Variants in SYNE2 observed in about 807,000 individuals in gnomAD.
SYNE2 encodes spectrin repeat containing nuclear envelope protein 2.
A neutral mutation model predicts 856.3 loss-of-function variants in SYNE2; 431 were observed. The observed-to-expected ratio is 0.50, with a 90% CI of 0.47 to 0.55. The LOEUF (loss-of-function observed/expected upper bound fraction) is 0.55, where lower values mean the gene tolerates loss of function less well. Ranked by LOEUF, SYNE2 falls within the 20% of genes least tolerant of loss-of-function variation. The pLI is 0.00. For missense variants in SYNE2, 8,129 were observed against 8,023.2 expected (o/e 1.01, Z -0.50); for synonymous variants, 2,923 against 2,872.3 (o/e 1.02, Z -0.56).
Position 64,213,002 on chromosome 14 carries a change from T to G in SYNE2, c.19053T>G (p.Thr6351=). Residue 6351 remains threonine, a synonymous_variant, in exon 105 of 116, where the codon ACT becomes ACG. Transcript: ENST00000555002. ...SRFHRRLTSC[T]PGLEDEKEAS... The stretch of plus-strand genomic sequence containing the variant: ...TCCACCGGCGGCTCACCTCCTGCAC[T>G]CCGGTACGGGCACTGCTGCCTAGAA... 1 of 1,613,122 alleles carries G rather than the reference T, an allele frequency of 6.2e-7. No individual in the cohort carries two copies. Among genetic ancestry groups the G allele is most frequent in the Non-Finnish European group, 8.5e-7 (1 of 1,179,930 alleles).
chr14:64,038,704 G>A (rs554152550), intron 45 of SYNE2, among the ~76,000 whole-genome samples: 3 of 152,264 alleles, frequency 2.0e-5, no homozygotes, highest in Non-Finnish European at 2.9e-5. Context: ...CCAGTCAGGC[G>A]TGGCGGCGGG....
Position 64,020,011 on chromosome 14 carries a change from A to G in SYNE2, c.5069A>G (p.Glu1690Gly), listed in dbSNP as rs367612349. ...TTTTAGGAAGAATTACAAGTCCATG[A>G]ACAAAAAACTTCAGAATTTTCTAGA... ...ERLKEELQVH[E>G]QKTSEFSRRV... The change falls in exon 35 of 116, where the codon GAA becomes GGA. Residue 1690 changes from glutamate to glycine, a missense_variant. Around this residue, in one of 3 missense-constraint regions of SYNE2, gnomAD observed 2,422 missense variants for 2,357.4 expected, o/e 1.03. Transcript: ENST00000555002. 7.4e-6 allele frequency: 12 copies of G among 1,612,824 alleles called. No homozygotes were observed. In the East Asian group the frequency reaches 1.6e-4, roughly 21 times the overall value.
intron 78 of SYNE2, among the ~76,000 whole-genome samples, chr14:64,137,251 G>T (rs1349549618): frequency 6.6e-6 from 1 of 152,162 alleles, no homozygotes; most frequent in Non-Finnish European, 1.5e-5. Context: ...TCAGGCTGGA[G>T]TGCAGTGGCA....
intron 41 of SYNE2, among the ~76,000 whole-genome samples, chr14:64,025,647 T>C (rs1371089987): frequency 6.6e-6 from 1 of 152,238 alleles, no homozygotes; most frequent in African/African-American, 2.4e-5. Flanking sequence ...GAGAGAGCAG[T>C]GTGCCTATTG....
Position 64,110,588 on chromosome 14 carries a change from A to ACCC in SYNE2, c.12610-2742_12610-2740dup, listed in dbSNP as rs11315645. Among the ~76,000 whole-genome samples, 243 of 75,342 alleles carry ACCC rather than the reference A, an allele frequency of 3.2e-3. 2 individuals carry two copies. Among genetic ancestry groups the ACCC allele is most frequent in the East Asian group, 8.5e-3 (14 of 1,652 alleles). 49.4% of individuals were successfully genotyped at this position (75,342 alleles called of 152,430 possible). A position where few individuals can be genotyped will look rare whatever the true frequency, so the allele number is the denominator to read the frequency against. On this transcript the variant is annotated intron_variant, in intron 65 of 115. Coordinates refer to ENST00000555002, the MANE Select transcript of SYNE2 (RefSeq NM_182914.3). ...AAATACTTATAGTAATACTTTTTAC[A>ACCC]CCCCCCCCCCCCCGCCAAAGTGTAC...
intron 50 of SYNE2, among the ~76,000 whole-genome samples, chr14:64,063,236 C>CG (rs2097331214): frequency 6.6e-6 from 1 of 152,068 alleles, no homozygotes; most frequent in African/African-American, 2.4e-5. Flanking sequence ...TTAGTAGAGA[C>CG]GGGGTTTCAC....
chr14:64,053,437 C>T lies in SYNE2; in HGVS notation c.9524C>T (p.Pro3175Leu), dbSNP rs984970023. The change falls in exon 48 of 116, where the codon CCA (proline) becomes CTA (leucine). Residue 3175 changes from proline to leucine, a missense_variant. Coordinates refer to ENST00000555002, the MANE Select transcript of SYNE2 (RefSeq NM_182914.3). ...CAGATAAAATCTCAATTACAGCAGC[C>T]ATTACTTATAAATTTGGAAATTAAA... ...LNQIKSQLQQ[P>L]LLINLEIKHI... 1.2e-6 allele frequency: 2 copies of T among 1,613,296 alleles called. No individual in the cohort carries two copies. Among genetic ancestry groups the T allele is most frequent in the African/African-American group, 2.7e-5 (2 of 74,844 alleles).
chr14:63,955,060 C>A, intron 8 of SYNE2, 145 bp downstream of exon 8: 1 of 700,348 alleles, frequency 1.4e-6, no homozygotes, highest in Non-Finnish European at 2.4e-6. Context: ...GAATTTGATG[C>A]AATCAAACAA....
At chr14:64,133,074 T>C (rs916825404) in intron 77 of SYNE2, among the ~76,000 whole-genome samples, 6 of 151,820 alleles carry the variant, frequency 4.0e-5, no homozygotes, top group African/African-American at 7.2e-5. Flanking sequence ...GGCGTGGTGG[T>C]GGGCGCCTGT....
chr14:64,214,072 T>C, intron 105 of SYNE2, 122 bp from the exon 106 acceptor site: 1 of 1,463,174 alleles, frequency 6.8e-7, no homozygotes. Context: ...TTTTTAAAGC[T>C]GCCTTAGAAA....
chr14:63,779,325 CAAATAAATAAAT>C (rs3057793), intron 1 of SYNE2, among the ~76,000 whole-genome samples: 143 of 139,330 alleles, frequency 1.0e-3, no homozygotes, highest in Middle Eastern at 3.6e-3. Flanking sequence ...AACTCCGTCT[CAAATAAATAAAT>C]AAATAAATAA....
At chr14:63,790,276 C>T (rs773276480) in intron 1 of SYNE2, among the ~76,000 whole-genome samples, 6 of 151,486 alleles carry the variant, frequency 4.0e-5, no homozygotes, top group Non-Finnish European at 5.9e-5. Flanking sequence ...GAGGAGGCTA[C>T]AGGGAGCTGT....
At chr14:64,096,313 TA>T (rs1388005784) in intron 61 of SYNE2, among the ~76,000 whole-genome samples, 5 of 152,206 alleles carry the variant, frequency 3.3e-5, no homozygotes, top group African/African-American at 1.2e-4. Context: ...TGATTCATAT[TA>T]GGTGCCGGTA....
intron 99 of SYNE2, among the ~76,000 whole-genome samples, chr14:64,195,773 A>C (rs749903046): frequency 6.6e-6 from 1 of 152,222 alleles, no homozygotes; most frequent in Non-Finnish European, 1.5e-5. Flanking sequence ...TTTCTGGAAC[A>C]CCAAACAATG....
chr14:63,848,457 T>C (rs561653651), upstream of SYNE2: 2 of 152,330 alleles, frequency 1.3e-5, no homozygotes, highest in South Asian at 4.1e-4. Context: ...GACAGAGAAA[T>C]GTTAATGTCT....
chr14:64,219,580 C>A (rs764197151), intron 110 of SYNE2, among the ~76,000 whole-genome samples, 170 bp downstream of exon 110: 13 of 152,198 alleles, frequency 8.5e-5, no homozygotes, highest in Non-Finnish European at 1.9e-4. Flanking sequence ...GACATAGATG[C>A]AGATTTTTGT....
chr14:64,219,084 GAA>G, intron 109 of SYNE2, 122 bp from the exon 110 acceptor site: 1 of 883,394 alleles, frequency 1.1e-6, no homozygotes, highest in Non-Finnish European at 1.7e-6. Flanking sequence ...TCTGTCAGGG[GAA>G]TCCCCTACAG....
At position 63,979,015 on chromosome 14, in the gene SYNE2, G is replaced by A; in HGVS notation, c.1569+1G>A. On this transcript the variant is annotated splice_donor_variant, in intron 14 of 115. Coordinates refer to ENST00000555002, the MANE Select transcript of SYNE2 (RefSeq NM_182914.3). LOFTEE classifies it high-confidence loss of function. ...GGAATTATTGCTGGAAGACTGGCATGTAAGCTTTTCAATTTTGTGTCTTAG... is the reference window on the plus strand; with the variant it reads ...GGAATTATTGCTGGAAGACTGGCATATAAGCTTTTCAATTTTGTGTCTTAG... 1 of 1,613,520 alleles carries A rather than the reference G, an allele frequency of 6.2e-7. No individual in the cohort carries two copies. The highest frequency in any genetic ancestry group is 8.5e-7 in the Non-Finnish European group (1 of 1,179,692).
chr14:63,863,060 A>G (rs1358598592), intron 1 of SYNE2, among the ~76,000 whole-genome samples: 1 of 151,872 alleles, frequency 6.6e-6, no homozygotes, highest in African/African-American at 2.4e-5. Context: ...AGCCTCCGAA[A>G]ATGCTGGGAT....
Sources: gnomAD v4.1 joint callset for allele counts (sites outside exome capture counted in the v4.1 genomes callset) on GRCh38, gnomAD v4.1.1 for gene constraint, gnomAD v4.1.1 regional missense constraint, MANE v1.5 for transcripts, NCBI Gene and HGNC (gene_info 2026-07-23, HGNC 2026-07-21) for gene names.